ASZ1: variants seen among roughly 807,000 people sequenced by gnomAD.
The protein encoded by ASZ1 is ankyrin repeat, SAM and basic leucine zipper domain containing 1, also known as ankyrin repeat, SAM and basic leucine zipper domain-containing protein 1.
ASZ1 carries 67 observed loss-of-function variants against 61.8 expected under a neutral mutation model. The observed-to-expected ratio is 1.08, with a 90% CI of 0.89 to 1.33. The LOEUF (loss-of-function observed/expected upper bound fraction) is 1.33. Ranked by LOEUF, ASZ1 falls within the 40% of genes most tolerant of loss-of-function variation. ASZ1 has a pLI of 0.00. For missense variants in ASZ1, 577 were observed against 554.5 expected, an observed-to-expected ratio of 1.04 and a Z score of -0.41; for synonymous variants, 193 against 192.7, an observed-to-expected ratio of 1.00 and a Z score of -0.01.
intron 4 of ASZ1, among the ~76,000 whole-genome samples, chr7:117,400,635 C>T (rs1166672910): frequency 1.3e-5 from 2 of 152,120 alleles, no homozygotes; most frequent in African/African-American, 4.8e-5. Flanking sequence ...AGAAAGGTGA[C>T]CCTGCAGAGA....
chr7:117,390,653 G>C (rs923590200), intron 4 of ASZ1, among the ~76,000 whole-genome samples: 25 of 152,120 alleles, frequency 1.6e-4, no homozygotes, highest in African/African-American at 5.8e-4. Flanking sequence ...CCTTCTGCCA[G>C]CAGTGTACGT....
intron 10 of ASZ1, among the ~76,000 whole-genome samples, chr7:117,379,194 CAAAT>C (rs1796204950): frequency 7.5e-6 from 1 of 134,014 alleles, no homozygotes; most frequent in Non-Finnish European, 1.7e-5. Context: ...CACACACACA[CAAAT>C]GAGTGCATAA....
intron 4 of ASZ1, among the ~76,000 whole-genome samples, chr7:117,399,567 G>C (rs1796639550): frequency 6.6e-6 from 1 of 152,048 alleles, no homozygotes; most frequent in African/African-American, 2.4e-5. Flanking sequence ...GACATTAAGT[G>C]ATTTTTTTTC....
intron 4 of ASZ1, among the ~76,000 whole-genome samples, chr7:117,390,178 G>GT (rs200159371): frequency 0.011 from 1,172 of 104,230 alleles, 3 homozygotes; most frequent in Non-Finnish European, 0.011. Flanking sequence ...TAACAGTGGG[G>GT]GTTTTTTTTT....
Position 117,377,988 on chromosome 7 carries a change from G to GA in ASZ1, c.1055+1949dup, listed in dbSNP as rs540388279. ...CTGGGGCAATTATCTATCCCCAGGT[G>GA]AAAAAAAAAATGAACCTCAGCCTAA... is the stretch of plus-strand genomic sequence containing the variant. On this transcript the variant is annotated intron_variant, in intron 10 of 12. Transcript: ENST00000284629. Among the ~76,000 whole-genome samples, 364 of 146,812 alleles carry GA rather than the reference G, an allele frequency of 2.5e-3. 7 individuals carry two copies. The South Asian group carries it at 0.033, about 13-fold the overall frequency.
intron 10 of ASZ1, among the ~76,000 whole-genome samples, chr7:117,373,019 C>T (rs562582958): frequency 5.3e-5 from 8 of 152,194 alleles, no homozygotes; most frequent in African/African-American, 1.9e-4. Flanking sequence ...GAACAATACA[C>T]TTTTACATAA....
intron 2 of ASZ1, among the ~76,000 whole-genome samples, chr7:117,426,277 C>T: frequency 6.7e-6 from 1 of 149,622 alleles, no homozygotes; most frequent in Non-Finnish European, 1.5e-5. Flanking sequence ...GTCAGAGGAT[C>T]GAGACTATCC....
intron 2 of ASZ1, 118 bp from the exon 3 acceptor site, chr7:117,422,477 G>C (rs1006494271): frequency 3.3e-6 from 4 of 1,203,454 alleles, no homozygotes; most frequent in Non-Finnish European, 4.4e-6. Context: ...ATTCCACCAT[G>C]GGAAGTTTTT....
intron 4 of ASZ1, among the ~76,000 whole-genome samples, chr7:117,403,879 T>C (rs1796726998): frequency 1.3e-5 from 2 of 152,078 alleles, no homozygotes; most frequent in South Asian, 2.1e-4. Flanking sequence ...ATCAGATCAG[T>C]GGTGGCATTA....
chr7:117,425,255 A>ATTT lies in ASZ1; in HGVS notation c.205+1578_205+1580dup, dbSNP rs1004795019. Among the ~76,000 whole-genome samples the ATTT allele has an allele frequency of 2.8e-3, 246 of 86,650 alleles. 3 individuals are homozygous for ATTT. The highest frequency in any genetic ancestry group is 6.9e-3 in the African/African-American group (176 of 25,580). 56.8% of individuals were successfully genotyped at this position (86,650 alleles called of 152,430 possible). A position where few individuals can be genotyped will look rare whatever the true frequency, so the allele number is the denominator to read the frequency against. On this transcript the variant is annotated intron_variant, in intron 2 of 12. Transcript: ENST00000284629. ...TAAATGCTTGTTATTCCTTTGAGTAATTTCTTTTTTTTTTTTTTTTTTTTT... is the reference window on the plus strand; with the variant it reads ...TAAATGCTTGTTATTCCTTTGAGTAATTTTTTCTTTTTTTTTTTTTTTTTTTTT...
chr7:117,376,494 A>G (rs1796138815), intron 10 of ASZ1, among the ~76,000 whole-genome samples: 1 of 152,152 alleles, frequency 6.6e-6, no homozygotes, highest in Non-Finnish European at 1.5e-5. Context: ...AAATACAAAA[A>G]GGAAACTTAC....
At chr7:117,364,615 G>A (rs1211943290) in intron 12 of ASZ1, among the ~76,000 whole-genome samples, 1 of 152,138 alleles carries the variant, frequency 6.6e-6, no homozygotes, top group Non-Finnish European at 1.5e-5. Context: ...TCCTGTGCTG[G>A]AGTGATGACA....
intron 4 of ASZ1, among the ~76,000 whole-genome samples, chr7:117,403,157 G>A (rs1011171378): frequency 6.6e-6 from 1 of 152,136 alleles, no homozygotes; most frequent in Non-Finnish European, 1.5e-5. Flanking sequence ...GGGCAATGGG[G>A]ATGCTGAAGA....
intron 10 of ASZ1, among the ~76,000 whole-genome samples, chr7:117,379,192 CACAAAT>C (rs1186298310): frequency 6.9e-6 from 1 of 144,804 alleles, no homozygotes; most frequent in Non-Finnish European, 1.5e-5. Context: ...CACACACACA[CACAAAT>C]GAGTGCATAA....
chr7:117,376,267 T>C (rs1333841279), intron 10 of ASZ1, among the ~76,000 whole-genome samples: 1 of 152,104 alleles, frequency 6.6e-6, no homozygotes, highest in Non-Finnish European at 1.5e-5. Flanking sequence ...AGATATAACT[T>C]GAATAATCCT....
intron 3 of ASZ1, 82 bp from the exon 4 acceptor site, chr7:117,420,356 T>C: frequency 1.1e-6 from 1 of 943,318 alleles, no homozygotes; most frequent in Non-Finnish European, 1.6e-6. Context: ...AAACATTCTA[T>C]TATTGCACTC....
Position 117,367,413 on chromosome 7 carries a change from A to C in ASZ1, c.1214T>G (p.Leu405Trp). 1 of 1,569,450 alleles carries C rather than the reference A, an allele frequency of 6.4e-7. No homozygotes were observed. Among genetic ancestry groups the C allele is most frequent in the Non-Finnish European group, 8.6e-7 (1 of 1,159,840 alleles). ...ACTCAAATCTTCAACATTATTAACC[A>C]ATTCTTCACAAACTGAAGTAAAATT... is the stretch of plus-strand genomic sequence containing the variant. ...PQNFTSVCEE[L>W]VNNVEDLSEK... Residue 405 changes from leucine (L) to tryptophan (W), a missense_variant, in exon 12 of 13, where the codon TTG (leucine) becomes TGG (tryptophan). Physicochemically the swap from Leu to Trp is moderately conservative, Grantham distance 61. Coordinates refer to ENST00000284629, the MANE Select transcript of ASZ1 (RefSeq NM_130768.3).
intron 11 of ASZ1, chr7:117,368,092 T>G (rs1384383577): frequency 4.8e-6 from 2 of 413,868 alleles, no homozygotes; most frequent in Non-Finnish European, 6.5e-6. Flanking sequence ...GCGCAGCTAA[T>G]TTTTAAAAAT....
intron 10 of ASZ1, among the ~76,000 whole-genome samples, chr7:117,378,610 C>G (rs971153665): frequency 2.0e-5 from 3 of 151,990 alleles, no homozygotes; most frequent in Admixed American, 6.6e-5. Flanking sequence ...TTCTGGAAAA[C>G]AGTTGGGCAG....
Sources: gnomAD v4.1 joint callset for allele counts (sites outside exome capture counted in the v4.1 genomes callset) on GRCh38, gnomAD v4.1.1 for gene constraint, MANE v1.5 for transcripts, NCBI Gene and HGNC (gene_info 2026-07-23, HGNC 2026-07-21) for gene names.